Variants in H3C7 observed in about 807,000 individuals in gnomAD.
H3C7 encodes the protein H3 clustered histone 7.
A neutral mutation model predicts 7.6 loss-of-function variants in H3C7; 6 were observed. The ratio of observed to expected loss-of-function variants is 0.79; its 90% CI spans 0.43 to 1.56. The LOEUF is 1.56. Ranked by LOEUF, H3C7 falls within the 40% of genes most tolerant of loss-of-function variation. The pLI, the probability that H3C7 is intolerant of heterozygous loss-of-function variation, is 0.01. For missense variants in H3C7, 163 were observed against 189.8 expected, an observed-to-expected ratio of 0.86 and a Z score of 0.83; for synonymous variants, 113 against 77.9, an observed-to-expected ratio of 1.45 and a Z score of -2.38.
In H3C7 at chr6:26,250,282, G is replaced by C. The variant is rs768274904; in HGVS notation, c.324C>G (p.Thr108=). Residue 108 remains threonine, a synonymous_variant, in exon 1 of 1, where the codon ACC becomes ACG. Transcript: ENST00000618052. Reference sequence around the variant, plus strand: ...GCTTGGCGTGGATAGCACACAGGTTGGTGTCCTCAAAGAGCCCCACCAGGT... The same window carrying C: ...GCTTGGCGTGGATAGCACACAGGTTCGTGTCCTCAAAGAGCCCCACCAGGT... The part of the protein sequence containing the change: ...EAYLVGLFED[T]NLCAIHAKRV... 1 of 1,614,256 alleles carries C rather than the reference G, an allele frequency of 6.2e-7. No homozygotes were observed. Among genetic ancestry groups the C allele is most frequent in the South Asian group, 1.1e-5 (1 of 91,086 alleles).
chr6:26,250,224 C>T lies in H3C7; in HGVS notation c.382G>A (p.Ala128Thr), dbSNP rs1760036513. 6.2e-7 allele frequency: 1 copy of T among 1,614,228 alleles called. No individual in the cohort carries two copies. The highest frequency in any genetic ancestry group is 8.5e-7 in the Non-Finnish European group (1 of 1,180,042). The change falls in exon 1 of 1, where the codon GCT becomes ACT. Residue 128 changes from alanine to threonine, a missense_variant. Ala to Thr is a moderately conservative substitution (Grantham distance 58, BLOSUM62 0). Around this residue, in one of 2 missense-constraint regions of H3C7, gnomAD observed 111 missense variants for 104.1 expected, o/e 1.07. Transcript: ENST00000618052. ...VTIMPKDIQL[A>T]RRIRGERA ...GCCCTCTCTCCGCGAATGCGGCGAG[C>T]GAGCTGGATGTCCTTGGGCATGATA...
In H3C7 at chr6:26,250,375, C is replaced by T. The variant is rs1286271728; in HGVS notation, c.231G>A (p.Gln77=). The change falls in exon 1 of 1, where the codon CAG becomes CAA. Residue 77 remains glutamine, a synonymous_variant. Transcript: ENST00000618052. ...GGAAGCGCAGGTCGGTCTTGAAGTC[C>T]TGCGCGATCTCACGTACCAGACGCT... ...PFQRLVREIA[Q]DFKTDLRFQS... is the part of the protein sequence containing the mutation. 6.2e-7 allele frequency: 1 copy of T among 1,614,200 alleles called. No homozygotes were observed. Among genetic ancestry groups the T allele is most frequent in the Non-Finnish European group, 8.5e-7 (1 of 1,180,040 alleles).
rs758035609 is a variant in H3C7, at chr6:26,250,531, C to A, written c.75G>T (p.Ala25=). Residue 25 remains alanine (A), a synonymous_variant, in exon 1 of 1, where the codon GCG becomes GCT. Transcript: ENST00000618052. ...CGGTGGCTGGCGCGCTTTTGCGAGC[C>A]GCCTTAGTGGCCAGCTGCTTGCGCG... ...KAPRKQLATK[A]ARKSAPATGG... is the part of the protein sequence containing the mutation. 3 of 1,613,868 alleles carry A rather than the reference C, an allele frequency of 1.9e-6. No individual in the cohort carries two copies. The highest frequency in any genetic ancestry group is 4.5e-5 in the East Asian group (2 of 44,896).
At position 26,250,155 on chromosome 6, in the gene H3C7, A is replaced by G. The variant is rs756319370; in HGVS notation, c.*40T>C. The G allele has an allele frequency of 1.2e-6, 2 of 1,609,008 alleles. No individual in the cohort carries two copies. The highest frequency in any genetic ancestry group is 1.1e-5 in the South Asian group (1 of 90,776). ...ACTGAAATTGTTGGTGGCTCTGAAA[A>G]GAGCCTTTGGTTTAAGTTGGCGCAC... On this transcript the variant is annotated 3_prime_UTR_variant, in exon 1 of 1. Transcript: ENST00000618052.
rs1397490114 is a variant in H3C7, at chr6:26,250,463, G to A, written c.143C>T (p.Ala48Val). The A allele has an allele frequency of 1.2e-6, 2 of 1,614,204 alleles. No individual in the cohort carries two copies. Among genetic ancestry groups the A allele is most frequent in the Non-Finnish European group, 8.5e-7 (1 of 1,180,032 alleles). Residue 48 changes from alanine (A) to valine (V), a missense_variant, in exon 1 of 1, where the codon GCC (alanine) becomes GTC (valine). By Grantham distance (64) the Ala-to-Val change is moderately conservative. This residue lies in a region of H3C7 where 52 missense variants were observed against 85.7 expected (regional missense o/e 0.61). Coordinates refer to ENST00000618052, the MANE Select transcript of H3C7 (RefSeq NM_021018.3). ...KPHRYRPGTV[A>V]LREIRRYQKS... is the part of the protein sequence containing the mutation. ...CTGATAGCGGCGGATTTCACGGAGG[G>A]CGACAGTACCAGGCCTGTAGCGGTG...
chr6:26,250,607 G>T lies in H3C7; in HGVS notation c.-2C>A. 6.2e-7 allele frequency: 1 copy of T among 1,611,042 alleles called. No homozygotes were observed. Among genetic ancestry groups the T allele is most frequent in the Non-Finnish European group, 8.5e-7 (1 of 1,179,250 alleles). ...AGCTGTTTGCTTCGTGCGTGCCATAGGAATGGGTTTCAAGCAATGGTCACA... is the reference window on the plus strand; with the variant it reads ...AGCTGTTTGCTTCGTGCGTGCCATATGAATGGGTTTCAAGCAATGGTCACA... On this transcript the variant is annotated 5_prime_UTR_variant, in exon 1 of 1. Transcript: ENST00000618052.
In H3C7 at chr6:26,250,179, A is replaced by C. The variant is rs747495391; in HGVS notation, c.*16T>G. ...AAGAGCCTTTGGTTTAAGTTGGCGC[A>C]CACCCTCAGTACAACTTATGCCCTC... On this transcript the variant is annotated 3_prime_UTR_variant, in exon 1 of 1. Transcript: ENST00000618052. 5 of 1,613,208 alleles carry C rather than the reference A, an allele frequency of 3.1e-6. No individual in the cohort carries two copies. In the Admixed American group the frequency reaches 6.7e-5, roughly 22 times the overall value.
Position 26,250,601 on chromosome 6 carries a change from G to GAAAC in H3C7, c.4_5insGTTT (p.Ala2GlyfsTer10), listed in dbSNP as rs1561759151. On this transcript the variant is annotated frameshift_variant, in exon 1 of 1. Coordinates refer to ENST00000618052, the MANE Select transcript of H3C7 (RefSeq NM_021018.3). LOFTEE classifies it high-confidence loss of function. ...CTTACGAGCTGTTTGCTTCGTGCGT[G>GAAAC]CCATAGGAATGGGTTTCAAGCAATG... The GAAAC allele has an allele frequency of 6.2e-7, 1 of 1,611,710 alleles. No individual in the cohort carries two copies. Among genetic ancestry groups the GAAAC allele is most frequent in the Non-Finnish European group, 8.5e-7 (1 of 1,179,460 alleles).
chr6:26,250,614 G>A lies in H3C7; in HGVS notation c.-9C>T. ...TGCTTCGTGCGTGCCATAGGAATGG[G>A]TTTCAAGCAATGGTCACAACTGAAC... is the stretch of plus-strand genomic sequence containing the variant. On this transcript the variant is annotated 5_prime_UTR_variant, in exon 1 of 1. Transcript: ENST00000618052. The A allele has an allele frequency of 1.9e-6, 3 of 1,609,372 alleles. No homozygotes were observed. The highest frequency in any genetic ancestry group is 1.7e-4 in the Middle Eastern group (1 of 6,046).
chr6:26,250,333 C>A lies in H3C7; in HGVS notation c.273G>T (p.Met91Ile). ...AAGCCTCGCAGGCCTCCTGCAGCGCCATCACAGCCGAGCTCTGGAAGCGCA... is the reference window on the plus strand; with the variant it reads ...AAGCCTCGCAGGCCTCCTGCAGCGCAATCACAGCCGAGCTCTGGAAGCGCA... ...TDLRFQSSAV[M>I]ALQEACEAYL... is the part of the protein sequence containing the mutation. The change falls in exon 1 of 1, where the codon ATG (methionine) becomes ATT (isoleucine). Residue 91 changes from methionine to isoleucine, a missense_variant. This residue lies in a region of H3C7 where 111 missense variants were observed against 104.1 expected (regional missense o/e 1.07). Transcript: ENST00000618052. The A allele has an allele frequency of 6.2e-7, 1 of 1,614,246 alleles. No individual in the cohort carries two copies. Among genetic ancestry groups the A allele is most frequent in the South Asian group, 1.1e-5 (1 of 91,086 alleles).
Position 26,250,150 on chromosome 6 carries a change from T to C in H3C7, c.*45A>G. 6.2e-7 allele frequency: 1 copy of C among 1,607,346 alleles called. No individual in the cohort carries two copies. Among genetic ancestry groups the C allele is most frequent in the South Asian group, 1.1e-5 (1 of 90,680 alleles). ...TTTCAACTGAAATTGTTGGTGGCTC[T>C]GAAAAGAGCCTTTGGTTTAAGTTGG... On this transcript the variant is annotated 3_prime_UTR_variant, in exon 1 of 1. Transcript: ENST00000618052.
Position 26,250,210 on chromosome 6 carries a change from G to C in H3C7, c.396C>G (p.Arg132=). 6.2e-7 allele frequency: 1 copy of C among 1,614,200 alleles called. No homozygotes were observed. Among genetic ancestry groups the C allele is most frequent in the Non-Finnish European group, 8.5e-7 (1 of 1,180,042 alleles). Residue 132 remains arginine, a synonymous_variant, in exon 1 of 1, where the codon CGC becomes CGG. Transcript: ENST00000618052. ...TCAGTACAACTTATGCCCTCTCTCC[G>C]CGAATGCGGCGAGCGAGCTGGATGT... ...PKDIQLARRI[R]GERA
At position 26,250,311 on chromosome 6, in the gene H3C7, C is replaced by G; in HGVS notation, c.295G>C (p.Ala99Pro). 1.9e-6 allele frequency: 3 copies of G among 1,614,246 alleles called. No individual in the cohort carries two copies. Among genetic ancestry groups the G allele is most frequent in the South Asian group, 1.1e-5 (1 of 91,088 alleles). Reference sequence around the variant, plus strand: ...TCCTCAAAGAGCCCCACCAGGTAAGCCTCGCAGGCCTCCTGCAGCGCCATC... The same window carrying G: ...TCCTCAAAGAGCCCCACCAGGTAAGGCTCGCAGGCCTCCTGCAGCGCCATC... ...AVMALQEACE[A>P]YLVGLFEDTN... Residue 99 changes from alanine to proline, a missense_variant, in exon 1 of 1, where the codon GCT (alanine) becomes CCT (proline). By Grantham distance (27) the Ala-to-Pro change is conservative. This residue lies in a region of H3C7 where 111 missense variants were observed against 104.1 expected (regional missense o/e 1.07). Transcript: ENST00000618052.
chr6:26,250,369 G>T lies in H3C7; in HGVS notation c.237C>A (p.Phe79Leu), dbSNP rs1760040784. 2 of 1,614,086 alleles carry T rather than the reference G, an allele frequency of 1.2e-6. No homozygotes were observed. The highest frequency in any genetic ancestry group is 1.3e-5 in the African/African-American group (1 of 74,930). ...QRLVREIAQD[F>L]KTDLRFQSSA... Reference sequence around the variant, plus strand: ...AGCTCTGGAAGCGCAGGTCGGTCTTGAAGTCCTGCGCGATCTCACGTACCA... The same window carrying T: ...AGCTCTGGAAGCGCAGGTCGGTCTTTAAGTCCTGCGCGATCTCACGTACCA... The change falls in exon 1 of 1, where the codon TTC (phenylalanine) becomes TTA (leucine). Residue 79 changes from phenylalanine to leucine, a missense_variant. By Grantham distance (22) the Phe-to-Leu change is conservative. Coordinates refer to ENST00000618052, the MANE Select transcript of H3C7 (RefSeq NM_021018.3).
At position 26,250,142 on chromosome 6, in the gene H3C7, G is replaced by A. The variant is rs138581440; in HGVS notation, c.*53C>T. On this transcript the variant is annotated 3_prime_UTR_variant, in exon 1 of 1. Transcript: ENST00000618052. Reference sequence around the variant, plus strand: ...TACGGCGCTTTCAACTGAAATTGTTGGTGGCTCTGAAAAGAGCCTTTGGTT... The same window carrying A: ...TACGGCGCTTTCAACTGAAATTGTTAGTGGCTCTGAAAAGAGCCTTTGGTT... 4.4e-6 allele frequency: 7 copies of A among 1,588,706 alleles called. No homozygotes were observed. The East Asian group carries it at 8.9e-5, about 20-fold the overall frequency.
chr6:26,250,475 G>C lies in H3C7; in HGVS notation c.131C>G (p.Pro44Arg). The C allele has an allele frequency of 1.4e-5, 22 of 1,614,226 alleles. No homozygotes were observed. Among genetic ancestry groups the C allele is most frequent in the Non-Finnish European group, 1.9e-5 (22 of 1,180,038 alleles). The change falls in exon 1 of 1, where the codon CCT becomes CGT. Residue 44 changes from proline (P) to arginine (R), a missense_variant. By Grantham distance (103) the Pro-to-Arg change is moderately radical (BLOSUM62 -2). Coordinates refer to ENST00000618052, the MANE Select transcript of H3C7 (RefSeq NM_021018.3). The stretch of plus-strand genomic sequence containing the variant: ...GATTTCACGGAGGGCGACAGTACCA[G>C]GCCTGTAGCGGTGGGGCTTCTTCAC... ...GGVKKPHRYRPGTVALREIRR... is the reference protein window; with the variant it reads ...GGVKKPHRYRRGTVALREIRR...
rs1760042331 is a variant in H3C7, at chr6:26,250,426, C to T, written c.180G>A (p.Glu60=). The change falls in exon 1 of 1, where the codon GAG becomes GAA. Residue 60 remains glutamate, a synonymous_variant. Coordinates refer to ENST00000618052, the MANE Select transcript of H3C7 (RefSeq NM_021018.3). ...REIRRYQKST[E]LLIRKLPFQR... ...GGAATGGTAGCTTGCGAATCAGTAG[C>T]TCAGTCGATTTCTGATAGCGGCGGA... 6.2e-7 allele frequency: 1 copy of T among 1,614,188 alleles called. No individual in the cohort carries two copies. The highest frequency in any genetic ancestry group is 8.5e-7 in the Non-Finnish European group (1 of 1,180,028).
At position 26,250,538 on chromosome 6, in the gene H3C7, G is replaced by T. The variant is rs1313164120; in HGVS notation, c.68C>A (p.Thr23Asn). Residue 23 changes from threonine (T) to asparagine (N), a missense_variant, in exon 1 of 1, where the codon ACT becomes AAT. Around this residue, in one of 2 missense-constraint regions of H3C7, gnomAD observed 52 missense variants for 85.7 expected, o/e 0.61. Transcript: ENST00000618052. ...TGGCGCGCTTTTGCGAGCCGCCTTA[G>T]TGGCCAGCTGCTTGCGCGGGGCTTT... is the stretch of plus-strand genomic sequence containing the variant. ...GGKAPRKQLA[T>N]KAARKSAPAT... 6.2e-7 allele frequency: 1 copy of T among 1,614,012 alleles called. No homozygotes were observed. The highest frequency in any genetic ancestry group is 8.5e-7 in the Non-Finnish European group (1 of 1,180,004).
Position 26,250,625 on chromosome 6 carries a change from T to A in H3C7, c.-20A>T, listed in dbSNP as rs1760047151. The A allele has an allele frequency of 6.2e-7, 1 of 1,600,294 alleles. No individual in the cohort carries two copies. ...TGCCATAGGAATGGGTTTCAAGCAA[T>A]GGTCACAACTGAACAAACAGTTGTT... On this transcript the variant is annotated 5_prime_UTR_variant, in exon 1 of 1. Transcript: ENST00000618052.
Sources: gnomAD v4.1 joint callset for allele counts on GRCh38, gnomAD v4.1.1 for gene constraint, gnomAD v4.1.1 regional missense constraint, MANE v1.5 for transcripts, NCBI Gene and HGNC (gene_info 2026-07-23, HGNC 2026-07-21) for gene names.